CSMD3: variants seen among roughly 807,000 people sequenced by gnomAD.
The protein encoded by CSMD3 is CUB and Sushi multiple domains 3.
Under a neutral mutation model 435.2 loss-of-function variants are expected in CSMD3, and 177 were observed. The observed-to-expected ratio is 0.41, with a 90% CI of 0.36 to 0.46. The LOEUF is 0.46. CSMD3 is among the 20% of genes least tolerant of loss of function. The probability of loss-of-function intolerance (pLI) is 0.34; values close to 1 mark genes in which losing one functional copy is unlikely to be tolerated. For synonymous variants in CSMD3, 1,656 were observed against 1,520.5 expected, an observed-to-expected ratio of 1.09 and a Z score of -2.07; for missense variants, 4,265 against 4,504.6, an observed-to-expected ratio of 0.95 and a Z score of 1.52.
intron 31 of CSMD3, among the ~76,000 whole-genome samples, chr8:112,483,539 A>T (rs1819832405): frequency 6.6e-6 from 1 of 152,164 alleles, no homozygotes; most frequent in African/African-American, 2.4e-5. Flanking sequence ...TTCAGTCTTT[A>T]CTGACTGAGT....
intron 4 of CSMD3, among the ~76,000 whole-genome samples, chr8:113,130,676 A>T (rs1245247816): frequency 1.3e-5 from 2 of 152,200 alleles, no homozygotes; most frequent in Non-Finnish European, 2.9e-5. Flanking sequence ...ATAAAGGTAC[A>T]TGAAAAAGTG....
chr8:112,444,578 T>A (rs1815391466), intron 32 of CSMD3, among the ~76,000 whole-genome samples: 1 of 152,176 alleles, frequency 6.6e-6, no homozygotes, highest in Non-Finnish European at 1.5e-5. Context: ...ATCTCAAAAA[T>A]TTTATGATAG....
chr8:113,436,195 A>C (rs1263940222), intron 1 of CSMD3, among the ~76,000 whole-genome samples: 1 of 152,204 alleles, frequency 6.6e-6, no homozygotes, highest in Non-Finnish European at 1.5e-5. Context: ...AGTGCTTGGA[A>C]GATCCCTGTG....
At chr8:112,673,151 A>G (rs1429489919) in intron 16 of CSMD3, among the ~76,000 whole-genome samples, 11 of 151,994 alleles carry the variant, frequency 7.2e-5, no homozygotes, top group Non-Finnish European at 1.5e-5. Context: ...CAATCAGACA[A>G]TGACAGTTCC....
chr8:112,740,198 T>C (rs60805121), intron 13 of CSMD3, among the ~76,000 whole-genome samples: 7 of 151,794 alleles, frequency 4.6e-5, no homozygotes, highest in Admixed American at 4.6e-4. Flanking sequence ...ATAAAAAAAA[T>C]TTTAAAATAT....
intron 5 of CSMD3, among the ~76,000 whole-genome samples, chr8:113,043,796 G>T (rs1303558681): frequency 1.3e-5 from 2 of 151,800 alleles, no homozygotes; most frequent in Non-Finnish European, 2.9e-5. Context: ...GGAAATCATT[G>T]TTCTAGGCTT....
rs1448231249 is a variant in CSMD3 at position 112,468,537 on chromosome 8, A to G, written c.5395+4054T>C. Among the ~76,000 whole-genome samples, 10 of 152,096 alleles carry G rather than the reference A, an allele frequency of 6.6e-5. No homozygotes were observed. The South Asian group carries it at 2.1e-3, about 31-fold the overall frequency. ...GACTCCTATACTCTAGGTATAATAC[A>G]TATTAACAAAAAATTTTCCCTCTGA... is the stretch of plus-strand genomic sequence containing the variant. On this transcript the variant is annotated intron_variant, in intron 32 of 70. Coordinates refer to ENST00000297405, the MANE Select transcript of CSMD3 (RefSeq NM_198123.2).
intron 3 of CSMD3, among the ~76,000 whole-genome samples, chr8:113,224,533 T>A (rs111862344): frequency 6.6e-6 from 1 of 151,254 alleles, no homozygotes; most frequent in Non-Finnish European, 1.5e-5. Context: ...ATATATAACA[T>A]CTGTTTGTAG....
intron 17 of CSMD3, among the ~76,000 whole-genome samples, chr8:112,660,193 G>A (rs973066034): frequency 2.6e-5 from 4 of 152,006 alleles, no homozygotes; most frequent in Non-Finnish European, 5.9e-5. Context: ...ATATTTTCAA[G>A]AATCCATTAT....
intron 6 of CSMD3, among the ~76,000 whole-genome samples, chr8:112,992,146 T>C (rs2085478569): frequency 6.6e-6 from 1 of 151,914 alleles, no homozygotes; most frequent in Non-Finnish European, 1.5e-5. Flanking sequence ...TTGAATTATA[T>C]AATACATGTA....
intron 13 of CSMD3, among the ~76,000 whole-genome samples, chr8:112,716,682 A>G (rs1363496595): frequency 6.6e-6 from 1 of 152,196 alleles, no homozygotes; most frequent in Non-Finnish European, 1.5e-5. Flanking sequence ...ACTATACTAC[A>G]AGGCTACGAT....
intron 51 of CSMD3, 60 bp downstream of exon 51, chr8:112,305,947 T>C: frequency 7.4e-7 from 1 of 1,354,748 alleles, no homozygotes; most frequent in Non-Finnish European, 1.1e-6. Context: ...ATACATAAAA[T>C]TTCAGGTATA....
intron 32 of CSMD3, among the ~76,000 whole-genome samples, chr8:112,427,251 T>G (rs114808686): frequency 0.012 from 1,801 of 152,276 alleles, 32 homozygotes; most frequent in African/African-American, 0.041. Context: ...TATATGCTGA[T>G]ATGGTTTGGT....
intron 5 of CSMD3, among the ~76,000 whole-genome samples, chr8:113,087,278 T>G (rs7826174): frequency 2.0e-5 from 3 of 151,242 alleles, no homozygotes; most frequent in Non-Finnish European, 4.4e-5. Context: ...AATGGCCATA[T>G]TGCCCAAGGT....
intron 3 of CSMD3, among the ~76,000 whole-genome samples, chr8:113,270,983 C>CCTT (rs1456418197): frequency 1.4e-5 from 1 of 70,986 alleles, no homozygotes; most frequent in Admixed American, 1.8e-4. Context: ...AATCAAAAAG[C>CCTT]ATAAAAAAAA....
intron 27 of CSMD3, among the ~76,000 whole-genome samples, chr8:112,538,085 A>T (rs1388547328): frequency 6.6e-6 from 1 of 152,128 alleles, no homozygotes; most frequent in Non-Finnish European, 1.5e-5. Flanking sequence ...AATCATGGAC[A>T]TAAACTATAT....
chr8:113,050,866 C>T (rs1218560586), intron 5 of CSMD3, among the ~76,000 whole-genome samples: 3 of 151,970 alleles, frequency 2.0e-5, no homozygotes, highest in Non-Finnish European at 4.4e-5. Flanking sequence ...CCATGATTAC[C>T]TATTCTTTCA....
intron 3 of CSMD3, among the ~76,000 whole-genome samples, chr8:113,197,766 C>T (rs1480889490): frequency 6.6e-6 from 1 of 151,044 alleles, no homozygotes; most frequent in Non-Finnish European, 1.5e-5. Flanking sequence ...TTGTAAACAT[C>T]ATATAATCAT....
At chr8:112,592,230 T>C (rs910227721) in intron 22 of CSMD3, among the ~76,000 whole-genome samples, 1 of 152,026 alleles carries the variant, frequency 6.6e-6, no homozygotes, top group Non-Finnish European at 1.5e-5. Flanking sequence ...TGGGTAGAAA[T>C]TGTAGGGTAG....
Sources: allele counts gnomAD v4.1 joint callset (sites outside exome capture counted in the v4.1 genomes callset), GRCh38; gene constraint gnomAD v4.1.1; transcripts MANE v1.5; gene names NCBI Gene and HGNC (gene_info 2026-07-23, HGNC 2026-07-21).